CELF2: variants seen among roughly 807,000 people sequenced by gnomAD.
CELF2 encodes the protein CUGBP Elav-like family member 2.
A neutral mutation model predicts 62.6 loss-of-function variants in CELF2; 8 were observed. The ratio of observed to expected loss-of-function variants is 0.13; its 90% CI spans 0.07 to 0.23. The LOEUF is 0.23. Among genes scored for constraint, CELF2 ranks in the 10% least tolerant of loss-of-function variants. The probability of loss-of-function intolerance (pLI) is 1.00; values close to 1 mark genes in which losing one functional copy is unlikely to be tolerated. For synonymous variants in CELF2, 258 were observed against 250.0 expected (o/e 1.03, Z -0.30); for missense variants, 333 against 671.0 (o/e 0.50, Z 5.56).
chr10:11,249,474 AG>A (rs1344509419), intron 4 of CELF2, among the ~76,000 whole-genome samples: 1 of 152,122 alleles, frequency 6.6e-6, no homozygotes, highest in Non-Finnish European at 1.5e-5. Flanking sequence ...TGCCCTGTAT[AG>A]GGACCCTGTG....
the CELF2 span, among the ~76,000 whole-genome samples, chr10:10,488,331 G>T: frequency 6.6e-6 from 1 of 152,108 alleles, no homozygotes; most frequent in Non-Finnish European, 1.5e-5. Context: ...AGAGCTACTT[G>T]TTCTGTGACC....
At chr10:10,919,086 C>T (rs993831206) in intron 1 of CELF2, among the ~76,000 whole-genome samples, 4 of 151,976 alleles carry the variant, frequency 2.6e-5, no homozygotes, top group East Asian at 1.9e-4. Flanking sequence ...GCCTGGTCAA[C>T]GTGGAAAAAC....
the CELF2 span, among the ~76,000 whole-genome samples, chr10:10,469,171 CTT>C: frequency 6.6e-6 from 1 of 151,898 alleles, no homozygotes. Context: ...TTACTGACCT[CTT>C]ATACTGCTAT....
the CELF2 span, among the ~76,000 whole-genome samples, chr10:10,471,078 A>G: frequency 2.0e-5 from 3 of 151,550 alleles, no homozygotes; most frequent in Non-Finnish European, 3.0e-5. Context: ...TAGATGTTTC[A>G]TTATTGCTGA....
intron 1 of CELF2, among the ~76,000 whole-genome samples, chr10:11,056,644 C>G (rs2140275341): frequency 6.6e-6 from 1 of 152,244 alleles, no homozygotes; most frequent in South Asian, 2.1e-4. Context: ...GAAATGTTTA[C>G]AAAGCATATT....
intron 1 of CELF2, among the ~76,000 whole-genome samples, chr10:11,140,107 A>G (rs1222888968): frequency 6.6e-6 from 1 of 152,174 alleles, no homozygotes; most frequent in Non-Finnish European, 1.5e-5. Flanking sequence ...CTGCTCAATC[A>G]GTTAGTCAGA....
At chr10:10,684,341 G>A in the CELF2 span, among the ~76,000 whole-genome samples, 1 of 152,178 alleles carries the variant, frequency 6.6e-6, no homozygotes, top group Non-Finnish European at 1.5e-5. Context: ...AGATATTGCT[G>A]TTCTACGTCC....
chr10:10,499,324 C>T, the CELF2 span, among the ~76,000 whole-genome samples: 2 of 152,102 alleles, frequency 1.3e-5, no homozygotes, highest in African/African-American at 4.8e-5. Context: ...TCTCAGCCTC[C>T]CGAAGTGCTG....
At chr10:11,185,259 C>T (rs2074542998) in intron 2 of CELF2, among the ~76,000 whole-genome samples, 1 of 152,020 alleles carries the variant, frequency 6.6e-6, no homozygotes, top group Non-Finnish European at 1.5e-5. Flanking sequence ...ACTGCAGCCT[C>T]GAACTCCTGG....
chr10:10,922,854 G>C (rs2065050113), intron 2 of CELF2: 1 of 152,162 alleles, frequency 6.6e-6, no homozygotes, highest in Admixed American at 6.5e-5. Context: ...TGTAGCTTCA[G>C]GTATTCTTTC....
intron 1 of CELF2, among the ~76,000 whole-genome samples, chr10:10,849,279 G>A (rs979809322): frequency 9.9e-5 from 15 of 151,548 alleles, no homozygotes; most frequent in Non-Finnish European, 1.3e-4. Flanking sequence ...GCATGGTAGC[G>A]GGCACCTGTA....
the CELF2 span, among the ~76,000 whole-genome samples, chr10:10,551,951 T>C: frequency 8.3e-6 from 1 of 121,132 alleles, no homozygotes; most frequent in Non-Finnish European, 1.7e-5. Context: ...TTCAGGGTGC[T>C]TTTTTTTCTA....
At chr10:10,668,087 T>C in the CELF2 span, among the ~76,000 whole-genome samples, 1 of 152,196 alleles carries the variant, frequency 6.6e-6, no homozygotes, top group South Asian at 2.1e-4. Flanking sequence ...TCCAGAAATT[T>C]ACGATGAGCA....
chr10:11,160,686 A>G (rs1045139511), intron 1 of CELF2, among the ~76,000 whole-genome samples: 6 of 149,702 alleles, frequency 4.0e-5, no homozygotes, highest in African/African-American at 1.5e-4. Context: ...TAATAAGATT[A>G]TTAATAACTA....
At chr10:10,686,153 A>G in the CELF2 span, among the ~76,000 whole-genome samples, 1 of 152,130 alleles carries the variant, frequency 6.6e-6, no homozygotes, top group Non-Finnish European at 1.5e-5. Flanking sequence ...GATCCTTTCA[A>G]TTGGTTGATA....
chr10:10,759,501 G>C, the CELF2 span, among the ~76,000 whole-genome samples: 1 of 151,718 alleles, frequency 6.6e-6, no homozygotes, highest in African/African-American at 2.4e-5. Flanking sequence ...GTAGAGACAG[G>C]GTTTCACCAT....
intron 8 of CELF2, among the ~76,000 whole-genome samples, chr10:11,276,773 G>A (rs757396561): frequency 1.2e-4 from 19 of 152,332 alleles, no homozygotes; most frequent in South Asian, 4.1e-4. Context: ...GGTGGACAGC[G>A]TGCCCTGTCA....
At chr10:10,919,960 G>A (rs1184529177) in intron 1 of CELF2, 2 of 1,231,200 alleles carry the variant, frequency 1.6e-6, no homozygotes, top group Non-Finnish European at 2.0e-6. Flanking sequence ...TCTCCTTCCT[G>A]CAGAGAGACG....
chr10:10,477,920 G>C, the CELF2 span, among the ~76,000 whole-genome samples: 3 of 152,066 alleles, frequency 2.0e-5, no homozygotes, highest in Admixed American at 2.0e-4. Flanking sequence ...TCATATAATG[G>C]GGCAGTTTAT....
Sources: gnomAD v4.1 joint callset for allele counts (sites outside exome capture counted in the v4.1 genomes callset) on GRCh38, gnomAD v4.1.1 for gene constraint, MANE v1.5 for transcripts, NCBI Gene and HGNC (gene_info 2026-07-23, HGNC 2026-07-21) for gene names.